CDH23: variants seen among roughly 807,000 people sequenced by gnomAD.
CDH23 encodes the protein cadherin-23.
Under a neutral mutation model 317.1 loss-of-function variants are expected in CDH23, and 189 were observed. The observed-to-expected ratio is 0.60, with a 90% CI of 0.53 to 0.67. CDH23 has a LOEUF of 0.67. Among genes scored for constraint, CDH23 ranks in the 30% least tolerant of loss-of-function variants. CDH23 has a pLI of 0.00. For missense variants in CDH23, 4,401 were observed against 4,592.4 expected (o/e 0.96, Z 1.20); for synonymous variants, 1,839 against 1,876.8 (o/e 0.98, Z 0.52).
At chr10:71,492,857 G>A (rs972330829) in intron 3 of CDH23, among the ~76,000 whole-genome samples, 1 of 152,218 alleles carries the variant, frequency 6.6e-6, no homozygotes, top group Non-Finnish European at 1.5e-5. Context: ...GCCTCTTCCA[G>A]ATTGTGGGAT....
At chr10:71,584,554 GT>G (rs1858904811) in intron 9 of CDH23, among the ~76,000 whole-genome samples, 5 of 151,810 alleles carry the variant, frequency 3.3e-5, no homozygotes, top group Non-Finnish European at 1.5e-5. Context: ...GTGTGTGTGT[GT>G]GTGTGTGTGT....
chr10:71,695,656 AAT>A (rs1229871022), intron 22 of CDH23, 131 bp downstream of exon 22: 18 of 657,232 alleles, frequency 2.7e-5, no homozygotes, highest in Non-Finnish European at 4.3e-5. Flanking sequence ...TGGCTCTTGC[AAT>A]AGAGTTCTAG....
At chr10:71,675,240 T>A in intron 15 of CDH23, 64 bp downstream of exon 15, 1 of 1,429,702 alleles carries the variant, frequency 7.0e-7, no homozygotes. Context: ...CCCAGACTCA[T>A]GAGATCTGGG....
chr10:71,646,019 G>T (rs1253389529), intron 13 of CDH23, 39 bp downstream of exon 13: 1 of 1,594,716 alleles, frequency 6.3e-7, no homozygotes, highest in African/African-American at 1.4e-5. Flanking sequence ...GTGGGGTGGG[G>T]GGTGGATTTC....
intron 6 of CDH23, among the ~76,000 whole-genome samples, chr10:71,553,016 CAG>C (rs1856682166): frequency 6.6e-6 from 1 of 152,196 alleles, no homozygotes; most frequent in Non-Finnish European, 1.5e-5. Context: ...ATCTGTAAGA[CAG>C]GGTTCCTGGG....
intron 1 of CDH23, among the ~76,000 whole-genome samples, chr10:71,427,277 A>C (rs1032227023): frequency 3.5e-5 from 5 of 143,294 alleles, no homozygotes; most frequent in Admixed American, 1.4e-4. Flanking sequence ...GAGAAAGAAG[A>C]AAGCAAGCAA....
chr10:71,584,749 CCT>C (rs1268679266), intron 9 of CDH23, among the ~76,000 whole-genome samples: 1 of 152,180 alleles, frequency 6.6e-6, no homozygotes, highest in Non-Finnish European at 1.5e-5. Flanking sequence ...ATTTTCTTCC[CCT>C]GAGAAGTAAA....
chr10:71,781,574 A>C (rs1473214063), intron 41 of CDH23, among the ~76,000 whole-genome samples: 1 of 152,198 alleles, frequency 6.6e-6, no homozygotes, highest in Non-Finnish European at 1.5e-5. Context: ...GCTCCAGCAC[A>C]GTGCAGACCT....
intron 38 of CDH23, among the ~76,000 whole-genome samples, chr10:71,762,985 G>C (rs138093953): frequency 1.3e-5 from 2 of 152,188 alleles, no homozygotes; most frequent in African/African-American, 4.8e-5. Context: ...ATATTGGATA[G>C]AGGCCGCGTT....
Position 71,810,493 on chromosome 10 carries a change from C to T in CDH23, c.9001C>T (p.Arg3001Trp), listed in dbSNP as rs373064483. The T allele has an allele frequency of 5.0e-6, 8 of 1,613,928 alleles. No homozygotes were observed. The highest frequency in any genetic ancestry group is 1.7e-4 in the Middle Eastern group (1 of 6,060). ...NVQFHVDKKG[R>W]VNFAQTELLI... ...CTAGTTCCATGTGGACAAGAAGGGC[C>T]GGGTGAACTTTGCGCAGACAGAACT... The change falls in exon 62 of 70, where the codon CGG (arginine) becomes TGG (tryptophan). Residue 3001 changes from arginine (R) to tryptophan (W), a missense_variant. Coordinates refer to ENST00000224721, the MANE Select transcript of CDH23 (RefSeq NM_022124.6).
At chr10:71,668,208 C>T (rs1008983568) in intron 14 of CDH23, among the ~76,000 whole-genome samples, 1 of 150,576 alleles carries the variant, frequency 6.6e-6, no homozygotes, top group Non-Finnish European at 1.5e-5. Flanking sequence ...CCCCTGCCAC[C>T]TTTGCTGGCA....
At chr10:71,586,614 C>T (rs1446690100) in intron 9 of CDH23, among the ~76,000 whole-genome samples, 5 of 152,090 alleles carry the variant, frequency 3.3e-5, no homozygotes, top group East Asian at 1.9e-4. Flanking sequence ...CACACCTTAC[C>T]CTCACCTTAC....
intron 3 of CDH23, among the ~76,000 whole-genome samples, chr10:71,509,388 C>A (rs575061188): frequency 6.6e-6 from 1 of 152,334 alleles, no homozygotes; most frequent in South Asian, 2.1e-4. Context: ...CTGAGAAGTC[C>A]AGAGGATGGA....
intron 45 of CDH23, 118 bp from the exon 46 acceptor site, chr10:71,790,170 A>C: frequency 7.1e-7 from 1 of 1,401,470 alleles, no homozygotes; most frequent in Non-Finnish European, 9.6e-7. Context: ...CACCCTGTCC[A>C]CCTCACCTCC....
At chr10:71,642,788 G>A (rs1487845197) in intron 11 of CDH23, among the ~76,000 whole-genome samples, 1 of 152,128 alleles carries the variant, frequency 6.6e-6, no homozygotes, top group Non-Finnish European at 1.5e-5. Flanking sequence ...CAATTCCACT[G>A]GAGGGGCTGG....
At chr10:71,492,975 G>A (rs1001123963) in intron 3 of CDH23, among the ~76,000 whole-genome samples, 4 of 152,150 alleles carry the variant, frequency 2.6e-5, no homozygotes, top group South Asian at 2.1e-4. Flanking sequence ...CAGAAGGGCC[G>A]AGAGTGGAAC....
At chr10:71,520,250 A>C (rs774141288) in intron 6 of CDH23, among the ~76,000 whole-genome samples, 15 of 152,240 alleles carry the variant, frequency 9.9e-5, no homozygotes, top group Non-Finnish European at 1.5e-4. Flanking sequence ...CTGACATTCC[A>C]GTGGCAGTCA....
chr10:71,566,783 A>G lies in CDH23; in HGVS notation c.471A>G (p.Thr157=), dbSNP rs779318196. The G allele has an allele frequency of 1.2e-6, 2 of 1,612,000 alleles. No individual in the cohort carries two copies. The highest frequency in any genetic ancestry group is 1.7e-6 in the Non-Finnish European group (2 of 1,178,378). ...CGCCCATCTTCATCGTGAATGCCAC[A>G]GACCCCGACTTGGGGGCAGGGGGCA... The part of the protein sequence containing the change: ...VGTPIFIVNA[T]DPDLGAGGSV... The change falls in exon 7 of 70, where the codon ACA becomes ACG. Residue 157 remains threonine, a synonymous_variant. Coordinates refer to ENST00000224721, the MANE Select transcript of CDH23 (RefSeq NM_022124.6).
In CDH23 at chr10:71,751,668, C is replaced by A; in HGVS notation, c.4845+9747C>A. 3 of 1,526,776 alleles carry A rather than the reference C, an allele frequency of 2.0e-6. No individual in the cohort carries two copies. Among genetic ancestry groups the A allele is most frequent in the Non-Finnish European group, 2.6e-6 (3 of 1,138,100 alleles). 94.6% of individuals were successfully genotyped at this position (1,526,776 alleles called of 1,614,324 possible). ...GCTGTGAAGGTCAGGAAACACTTACCCAGGGATGGGAAGAAGACGTCTCCG... is the reference window on the plus strand; with the variant it reads ...GCTGTGAAGGTCAGGAAACACTTACACAGGGATGGGAAGAAGACGTCTCCG... On this transcript the variant is annotated intron_variant, in intron 38 of 69. Transcript: ENST00000224721. This position sits in a 1 kb window ranked among gnomAD's most constrained non-coding sequence, Gnocchi z 4.9.
Sources: gnomAD v4.1 joint callset for allele counts (sites outside exome capture counted in the v4.1 genomes callset) on GRCh38, gnomAD v4.1.1 for gene constraint, Gnocchi (gnomAD v3.1) non-coding constraint, MANE v1.5 for transcripts, NCBI Gene and HGNC (gene_info 2026-07-23, HGNC 2026-07-21) for gene names.